UTRN: variants seen among roughly 807,000 people sequenced by gnomAD.
UTRN encodes the protein utrophin.
Under a neutral mutation model 463.9 loss-of-function variants are expected in UTRN, and 283 were observed. The observed-to-expected ratio is 0.61, with a 90% CI of 0.55 to 0.67. UTRN has a LOEUF of 0.67. Ranked by LOEUF, UTRN falls within the 30% of genes least tolerant of loss-of-function variation. The pLI is 0.00. For synonymous variants in UTRN, 1,442 were observed against 1,431.5 expected, an observed-to-expected ratio of 1.01 and a Z score of -0.17; for missense variants, 3,922 against 4,084.3, an observed-to-expected ratio of 0.96 and a Z score of 1.08.
intron 25 of UTRN, among the ~76,000 whole-genome samples, chr6:144,476,127 G>A (rs1791170148): frequency 6.7e-6 from 1 of 149,280 alleles, no homozygotes; most frequent in African/African-American, 2.5e-5. Context: ...TGAGGCAAAA[G>A]GATGGCTTGA....
At position 144,509,507 on chromosome 6, in the gene UTRN, A is replaced by G. The variant is rs77128973; in HGVS notation, c.4765-1437A>G. ...TGCTCTTAAGTTTCCATTTAATCTTATTTCAGAATTGAAATGATAAAGATG... is the reference window on the plus strand; with the variant it reads ...TGCTCTTAAGTTTCCATTTAATCTTGTTTCAGAATTGAAATGATAAAGATG... On this transcript the variant is annotated intron_variant, in intron 34 of 74. Coordinates refer to ENST00000367545, the MANE Select transcript of UTRN (RefSeq NM_007124.3). Among the ~76,000 whole-genome samples, 716 of 152,104 alleles carry G rather than the reference A, an allele frequency of 4.7e-3. 6 individuals carry two copies. The highest frequency in any genetic ancestry group is 0.012 in the Middle Eastern group (3 of 242).
rs540351325 is a variant in UTRN, at chr6:144,775,017, A to C, written c.8632+653A>C. On this transcript the variant is annotated intron_variant, in intron 60 of 74. Transcript: ENST00000367545. ...GGATTCTATTTGTGGTTGTAGTTCT[A>C]ATGATTGAGTCTACCCTAGGCCTTG... 8.5e-5 allele frequency among the ~76,000 whole-genome samples: 13 copies of C among 152,300 alleles called. No individual in the cohort carries two copies. In the South Asian group the frequency reaches 2.7e-3, roughly 32 times the overall value.
chr6:144,573,987 G>A (rs559107912), intron 50 of UTRN, among the ~76,000 whole-genome samples: 14 of 152,316 alleles, frequency 9.2e-5, no homozygotes, highest in African/African-American at 3.4e-4. Flanking sequence ...GAACTGGGAT[G>A]GAATATTCTG....
chr6:144,384,470 C>T (rs545264738), intron 2 of UTRN, among the ~76,000 whole-genome samples: 5 of 152,084 alleles, frequency 3.3e-5, no homozygotes, highest in Middle Eastern at 3.2e-3. Context: ...ACCACTCCCC[C>T]ACTGCCTCCC....
intron 2 of UTRN, among the ~76,000 whole-genome samples, chr6:144,293,538 T>C (rs1248804153): frequency 6.6e-6 from 1 of 152,150 alleles, no homozygotes; most frequent in Non-Finnish European, 1.5e-5. Flanking sequence ...ATTCTGTTTC[T>C]AGAGTTTTTC....
chr6:144,599,497 GT>G (rs1213479708), intron 51 of UTRN, among the ~76,000 whole-genome samples: 1 of 151,986 alleles, frequency 6.6e-6, no homozygotes, highest in Non-Finnish European at 1.5e-5. Context: ...ATTTTGTAAG[GT>G]ATAAAAAATG....
intron 65 of UTRN, among the ~76,000 whole-genome samples, chr6:144,816,694 T>A (rs1779109982): frequency 6.6e-6 from 1 of 151,634 alleles, no homozygotes; most frequent in African/African-American, 2.4e-5. Flanking sequence ...TTTAAGTAGC[T>A]GGGACTGCAG....
At chr6:144,809,435 G>A (rs1273682116) in intron 65 of UTRN, among the ~76,000 whole-genome samples, 6 of 152,108 alleles carry the variant, frequency 3.9e-5, no homozygotes, top group Non-Finnish European at 7.4e-5. Flanking sequence ...ATGATACTGT[G>A]GTTGATTTGA....
At chr6:144,344,519 T>C (rs1562272406) in intron 2 of UTRN, among the ~76,000 whole-genome samples, 2 of 152,214 alleles carry the variant, frequency 1.3e-5, no homozygotes, top group Non-Finnish European at 2.9e-5. Flanking sequence ...CTTCAGGAAG[T>C]GATAATTCAC....
intron 2 of UTRN, among the ~76,000 whole-genome samples, chr6:144,393,845 A>T (rs903911756): frequency 6.6e-6 from 1 of 152,164 alleles, no homozygotes; most frequent in African/African-American, 2.4e-5. Flanking sequence ...TGTGGCCCTT[A>T]AGGTTATGTA....
intron 34 of UTRN, among the ~76,000 whole-genome samples, chr6:144,501,729 C>A (rs1355903817): frequency 1.3e-5 from 2 of 152,006 alleles, no homozygotes; most frequent in East Asian, 3.9e-4. Flanking sequence ...ATCATACATT[C>A]ATAATTATTT....
intron 51 of UTRN, among the ~76,000 whole-genome samples, chr6:144,615,574 A>T (rs1396955526): frequency 6.6e-6 from 1 of 152,070 alleles, no homozygotes; most frequent in African/African-American, 2.4e-5. Context: ...GTCACGCTTG[A>T]TTGCTCATTT....
chr6:144,832,801 TG>T (rs1203113645), intron 69 of UTRN, among the ~76,000 whole-genome samples: 18 of 152,190 alleles, frequency 1.2e-4, no homozygotes, highest in South Asian at 4.2e-4. Flanking sequence ...ACTAATTTTT[TG>T]TTTGTTTGTT....
intron 50 of UTRN, among the ~76,000 whole-genome samples, chr6:144,563,437 G>T (rs1354982072): frequency 6.6e-6 from 1 of 152,044 alleles, no homozygotes; most frequent in Admixed American, 6.6e-5. Flanking sequence ...CTTATATTGG[G>T]ATTGTTTCAT....
intron 53 of UTRN, among the ~76,000 whole-genome samples, chr6:144,701,996 C>G (rs1006428422): frequency 6.6e-6 from 1 of 152,090 alleles, no homozygotes; most frequent in African/African-American, 2.4e-5. Context: ...AAATCCTATT[C>G]TCTCCTAACT....
chr6:144,511,442 A>G (rs950026234), intron 35 of UTRN, among the ~76,000 whole-genome samples: 2 of 152,202 alleles, frequency 1.3e-5, no homozygotes, highest in Admixed American at 1.3e-4. Context: ...CTATTTTTAT[A>G]TAAAATCTTC....
rs951100069 is a variant in UTRN at position 144,493,296 on chromosome 6, T to C, written c.4438-5T>C. 6.2e-6 allele frequency: 10 copies of C among 1,613,514 alleles called. No homozygotes were observed. In the African/African-American group the frequency reaches 1.3e-4, roughly 22 times the overall value. On this transcript the variant is annotated splice_polypyrimidine_tract_variant and splice_region_variant and intron_variant, in intron 32 of 74. Coordinates refer to ENST00000367545, the MANE Select transcript of UTRN (RefSeq NM_007124.3). ...AATTTGTCTTTTTCTTTGTTTGTTT[T>C]AAAGAAACTGTATAAAACTTTGAGT... is the stretch of plus-strand genomic sequence containing the variant.
chr6:144,414,141 A>AT, intron 3 of UTRN, among the ~76,000 whole-genome samples: 1 of 151,966 alleles, frequency 6.6e-6, no homozygotes, highest in African/African-American at 2.4e-5. Context: ...AAAAAAAAAA[A>AT]AGTTAACTAC....
At chr6:144,473,575 A>G in intron 23 of UTRN, 145 bp from the exon 24 acceptor site, 1 of 508,592 alleles carries the variant, frequency 2.0e-6, no homozygotes, top group Non-Finnish European at 3.4e-6. Context: ...TCAAATTTGG[A>G]AGGTTTAGAA....
Sources: allele counts gnomAD v4.1 joint callset (sites outside exome capture counted in the v4.1 genomes callset), GRCh38; gene constraint gnomAD v4.1.1; transcripts MANE v1.5; gene names NCBI Gene and HGNC (gene_info 2026-07-23, HGNC 2026-07-21).